RAB38: variants seen among roughly 807,000 people sequenced by gnomAD.
The protein encoded by RAB38 is RAB38, member RAS oncogene family.
In RAB38, 15 loss-of-function variants were observed where a neutral mutation model predicts 18.4. The ratio of observed to expected loss-of-function variants is 0.82; its 90% CI spans 0.55 to 1.26. The LOEUF is 1.26. Ranked by LOEUF, RAB38 falls within the 50% of genes most tolerant of loss-of-function variation. The pLI, the probability that RAB38 is intolerant of heterozygous loss-of-function variation, is 0.00. For synonymous variants in RAB38, 101 were observed against 104.4 expected (o/e 0.97, Z 0.20); for missense variants, 294 against 267.4 (o/e 1.10, Z -0.69).
the RAB38 span, among the ~76,000 whole-genome samples, chr11:87,885,248 C>T: frequency 6.6e-6 from 1 of 151,226 alleles, no homozygotes; most frequent in Non-Finnish European, 1.5e-5. Flanking sequence ...TGCTTCTGCT[C>T]TCTCTGCTTT....
intron 2 of RAB38, among the ~76,000 whole-genome samples, chr11:88,136,974 T>G (rs1942843972): frequency 6.6e-6 from 1 of 152,222 alleles, no homozygotes; most frequent in Non-Finnish European, 1.5e-5. Context: ...CCAACTAGCA[T>G]ACCCCTGTAG....
At chr11:88,094,617 C>T in the RAB38 span, among the ~76,000 whole-genome samples, 1 of 151,774 alleles carries the variant, frequency 6.6e-6, no homozygotes, top group Admixed American at 6.6e-5. Flanking sequence ...GTCCTCATAT[C>T]CCTTACCCCT....
chr11:87,938,621 T>TTTTTTTTTG, the RAB38 span, among the ~76,000 whole-genome samples: 2 of 140,060 alleles, frequency 1.4e-5, no homozygotes, highest in African/African-American at 5.4e-5. Flanking sequence ...TCTTTTCCGT[T>TTTTTTTTTG]TTTTTTTTTT....
At chr11:87,882,841 AT>A in the RAB38 span, among the ~76,000 whole-genome samples, 1 of 151,940 alleles carries the variant, frequency 6.6e-6, no homozygotes, top group African/African-American at 2.4e-5. Context: ...CTTATGAGGC[AT>A]GGTCTTTGTG....
At chr11:88,129,315 G>T (rs1425842863) in intron 2 of RAB38, among the ~76,000 whole-genome samples, 1 of 152,080 alleles carries the variant, frequency 6.6e-6, no homozygotes, top group Non-Finnish European at 1.5e-5. Context: ...AAATTTGAGA[G>T]AAAATAAAAA....
At chr11:88,108,215 T>C in the RAB38 span, among the ~76,000 whole-genome samples, 1 of 152,000 alleles carries the variant, frequency 6.6e-6, no homozygotes, top group African/African-American at 2.4e-5. Context: ...ATATTGATAG[T>C]GGGTGTTAAA....
At chr11:88,078,975 T>C in the RAB38 span, among the ~76,000 whole-genome samples, 1 of 151,914 alleles carries the variant, frequency 6.6e-6, no homozygotes, top group Non-Finnish European at 1.5e-5. Flanking sequence ...ACATGTTAAA[T>C]TATCACATGT....
rs1555014229 is a variant in RAB38, at chr11:88,174,637, A to AAC, written c.202+545_202+546insGT. ...GCAAAAAGCAAAAAAAAAAAAAAAA[A>AAC]AAAACAAAACAAAAACCCTCAAACT... On this transcript the variant is annotated intron_variant, in intron 1 of 2. Transcript: ENST00000243662. 4.1e-3 allele frequency among the ~76,000 whole-genome samples: 554 copies of AAC among 133,690 alleles called. 2 individuals carry two copies. The highest frequency in any genetic ancestry group is 5.7e-3 in the Non-Finnish European group (364 of 63,450). The allele number at this position is 133,690 out of a possible 152,430, so 87.7% of individuals were successfully genotyped here. A position where few individuals can be genotyped will look rare whatever the true frequency, so the allele number is the denominator to read the frequency against.
At chr11:87,857,300 T>C in the RAB38 span, among the ~76,000 whole-genome samples, 3 of 152,220 alleles carry the variant, frequency 2.0e-5, no homozygotes, top group Admixed American at 6.5e-5. Context: ...TCTTTGCTAT[T>C]GTGAATAGTG....
chr11:88,100,855 T>C, the RAB38 span, among the ~76,000 whole-genome samples: 1 of 151,970 alleles, frequency 6.6e-6, no homozygotes, highest in Non-Finnish European at 1.5e-5. Context: ...AAAATAGTTC[T>C]TAGGAAACCC....
At chr11:88,116,974 A>C (rs1942562734) in intron 2 of RAB38, among the ~76,000 whole-genome samples, 1 of 152,218 alleles carries the variant, frequency 6.6e-6, no homozygotes, top group African/African-American at 2.4e-5. Flanking sequence ...AGCTCAAATT[A>C]GTGGCAACCT....
the RAB38 span, among the ~76,000 whole-genome samples, chr11:87,890,503 T>C: frequency 1.3e-5 from 2 of 151,900 alleles, no homozygotes; most frequent in African/African-American, 2.4e-5. Flanking sequence ...TACTTTCATG[T>C]TTCATGGACT....
the RAB38 span, among the ~76,000 whole-genome samples, chr11:88,041,668 G>C: frequency 6.6e-6 from 1 of 152,166 alleles, no homozygotes; most frequent in Admixed American, 6.5e-5. Context: ...GTGAAATTGA[G>C]AAAAATTTTA....
the RAB38 span, among the ~76,000 whole-genome samples, chr11:88,013,448 T>C: frequency 6.6e-6 from 1 of 152,126 alleles, no homozygotes; most frequent in Admixed American, 6.6e-5. Context: ...GTTTTTGTTT[T>C]TTTTTGCCAT....
At chr11:87,977,518 TATAG>T in the RAB38 span, among the ~76,000 whole-genome samples, 4 of 102,538 alleles carry the variant, frequency 3.9e-5, no homozygotes, top group East Asian at 5.6e-4. Context: ...TATGTAATTA[TATAG>T]ATAATATAAT....
the RAB38 span, among the ~76,000 whole-genome samples, chr11:87,834,721 A>G: frequency 1.3e-5 from 2 of 152,178 alleles, no homozygotes; most frequent in Non-Finnish European, 2.9e-5. Context: ...GAGCTCATTG[A>G]CAGGTCCTGA....
the RAB38 span, among the ~76,000 whole-genome samples, chr11:87,881,514 T>C: frequency 6.6e-6 from 1 of 151,932 alleles, no homozygotes; most frequent in South Asian, 2.1e-4. Context: ...CATAGTGATC[T>C]GTTATTTTCT....
the RAB38 span, among the ~76,000 whole-genome samples, chr11:87,952,023 A>T: frequency 5.9e-5 from 9 of 151,964 alleles, no homozygotes; most frequent in Admixed American, 3.9e-4. Context: ...CTCCTCCCCT[A>T]CTGGCCTGGA....
chr11:87,934,576 T>A, the RAB38 span, among the ~76,000 whole-genome samples: 1 of 152,096 alleles, frequency 6.6e-6, no homozygotes, highest in African/African-American at 2.4e-5. Context: ...AGTACTCTCG[T>A]GCAATGCTAA....
Sources: gnomAD v4.1 joint callset for allele counts (sites outside exome capture counted in the v4.1 genomes callset) on GRCh38, gnomAD v4.1.1 for gene constraint, MANE v1.5 for transcripts, NCBI Gene and HGNC (gene_info 2026-07-23, HGNC 2026-07-21) for gene names.